Variants in CDH8 observed in about 807,000 individuals in gnomAD.
The protein encoded by CDH8 is cadherin 8.
A neutral mutation model predicts 68.1 loss-of-function variants in CDH8; 17 were observed. The observed-to-expected ratio is 0.25, with a 90% confidence interval of 0.17 to 0.37. The LOEUF (loss-of-function observed/expected upper bound fraction) is 0.37. CDH8 is among the 10% of genes least tolerant of loss of function. CDH8 has a pLI of 1.00. For missense variants in CDH8, 763 were observed against 999.3 expected, an observed-to-expected ratio of 0.76 and a Z score of 3.19; for synonymous variants, 372 against 365.1, an observed-to-expected ratio of 1.02 and a Z score of -0.21.
At chr16:61,907,868 C>A (rs1964089194) in intron 2 of CDH8, among the ~76,000 whole-genome samples, 1 of 151,722 alleles carries the variant, frequency 6.6e-6, no homozygotes, top group Non-Finnish European at 1.5e-5. Flanking sequence ...CACGGTGAAA[C>A]CCTGTCTCTA....
intron 8 of CDH8, among the ~76,000 whole-genome samples, chr16:61,762,890 G>A (rs1960504557): frequency 1.3e-5 from 2 of 152,116 alleles, no homozygotes; most frequent in South Asian, 4.1e-4. Flanking sequence ...GTTTTAACAA[G>A]ATCACCAGGT....
chr16:61,761,581 A>C (rs552115674), intron 8 of CDH8, among the ~76,000 whole-genome samples: 1 of 152,194 alleles, frequency 6.6e-6, no homozygotes, highest in Non-Finnish European at 1.5e-5. Context: ...GCTTCAAAAA[A>C]TACAAAAGTA....
intron 8 of CDH8, among the ~76,000 whole-genome samples, chr16:61,788,854 A>G (rs1294715715): frequency 6.6e-6 from 1 of 151,988 alleles, no homozygotes; most frequent in Non-Finnish European, 1.5e-5. Flanking sequence ...TTAGACTCTA[A>G]AAAAAACAAA....
chr16:61,914,305 T>A (rs913730279), intron 2 of CDH8, among the ~76,000 whole-genome samples: 1 of 152,202 alleles, frequency 6.6e-6, no homozygotes, highest in Non-Finnish European at 1.5e-5. Flanking sequence ...TCCTAAAGCA[T>A]ACTAATTATC....
intron 10 of CDH8, among the ~76,000 whole-genome samples, chr16:61,658,784 TG>T (rs1165376729): frequency 6.6e-6 from 1 of 152,126 alleles, no homozygotes; most frequent in Non-Finnish European, 1.5e-5. Context: ...ATAAGAAACT[TG>T]GTAGAAGTTA....
intron 8 of CDH8, among the ~76,000 whole-genome samples, chr16:61,770,112 C>T (rs1002216665): frequency 6.6e-5 from 10 of 151,816 alleles, no homozygotes; most frequent in Non-Finnish European, 1.5e-4. Context: ...TCCTGAGTCT[C>T]GCATGACACA....
At chr16:61,966,372 T>C (rs760509976) in intron 2 of CDH8, among the ~76,000 whole-genome samples, 1 of 152,004 alleles carries the variant, frequency 6.6e-6, no homozygotes, top group Admixed American at 6.6e-5. Context: ...ACCCCATCTT[T>C]ACTAAAAATA....
rs1016403067 is a variant in CDH8 at position 61,653,096 on chromosome 16, C to T, written c.*512G>A. 4.0e-6 allele frequency: 5 copies of T among 1,257,092 alleles called. No individual in the cohort carries two copies. Among genetic ancestry groups the T allele is most frequent in the African/African-American group, 1.5e-5 (1 of 64,682 alleles). 77.9% of individuals were successfully genotyped at this position (1,257,092 alleles called of 1,614,324 possible). On this transcript the variant is annotated 3_prime_UTR_variant, in exon 12 of 12. Transcript: ENST00000577390. ...CCGTACTGTATAATCTAGGAGGCCT[C>T]TCAAAACTCCAAAAAGTTATAATGT... is the stretch of plus-strand genomic sequence containing the variant.
At chr16:61,804,389 T>G (rs1174928964) in intron 7 of CDH8, among the ~76,000 whole-genome samples, 1 of 151,882 alleles carries the variant, frequency 6.6e-6, no homozygotes, top group Non-Finnish European at 1.5e-5. Flanking sequence ...ATTCACACCC[T>G]AACATCACAA....
At chr16:61,971,160 C>T (rs1166756699) in intron 2 of CDH8, among the ~76,000 whole-genome samples, 1 of 152,128 alleles carries the variant, frequency 6.6e-6, no homozygotes, top group East Asian at 1.9e-4. Flanking sequence ...GATAATAATC[C>T]ACCACCCTTT....
intron 5 of CDH8, among the ~76,000 whole-genome samples, chr16:61,821,983 C>T (rs550975409): frequency 8.6e-5 from 13 of 151,948 alleles, no homozygotes; most frequent in Non-Finnish European, 1.6e-4. Context: ...ACCTATTTTG[C>T]CCACTGAGTG....
At position 61,648,198 on chromosome 16, in the gene CDH8, C is replaced by T. The variant is rs1017894713; in HGVS notation, c.*5410G>A. The T allele has an allele frequency of 4.3e-4, 82 of 190,956 alleles. No homozygotes were observed. The highest frequency in any genetic ancestry group is 1.7e-3 in the African/African-American group (70 of 42,390). 11.8% of individuals were successfully genotyped at this position (190,956 alleles called of 1,614,324 possible). A position where few individuals can be genotyped will look rare whatever the true frequency, so the allele number is the denominator to read the frequency against. ...ATGTGTAATTTAACCCTGAAAATTCCTTATAACGTTTCTGAACTTCATTTT... is the reference window on the plus strand; with the variant it reads ...ATGTGTAATTTAACCCTGAAAATTCTTTATAACGTTTCTGAACTTCATTTT... On this transcript the variant is annotated 3_prime_UTR_variant, in exon 12 of 12. Coordinates refer to ENST00000577390, the MANE Select transcript of CDH8 (RefSeq NM_001796.5).
At chr16:61,709,272 C>T (rs1001519130) in intron 10 of CDH8, among the ~76,000 whole-genome samples, 1 of 152,030 alleles carries the variant, frequency 6.6e-6, no homozygotes, top group Non-Finnish European at 1.5e-5. Context: ...CTATGTATAT[C>T]AGCATATAGG....
At chr16:61,847,273 G>A (rs1962826983) in intron 4 of CDH8, among the ~76,000 whole-genome samples, 1 of 151,772 alleles carries the variant, frequency 6.6e-6, no homozygotes, top group African/African-American at 2.4e-5. Flanking sequence ...CTGTCCATAT[G>A]GCACAAACTC....
At chr16:61,813,232 C>A (rs1006827960) in intron 7 of CDH8, among the ~76,000 whole-genome samples, 8 of 152,122 alleles carry the variant, frequency 5.3e-5, no homozygotes, top group Middle Eastern at 3.4e-3. Context: ...ACTCAGTCAT[C>A]CTAAAGCTTA....
At chr16:61,746,266 T>A (rs113446751) in intron 8 of CDH8, among the ~76,000 whole-genome samples, 1 of 152,074 alleles carries the variant, frequency 6.6e-6, no homozygotes, top group African/African-American at 2.4e-5. Context: ...CCCTGAAATC[T>A]AACTTTTGTC....
Position 61,960,131 on chromosome 16 carries a change from A to G in CDH8, c.253-58658T>C, listed in dbSNP as rs562064189. Among the ~76,000 whole-genome samples the G allele has an allele frequency of 1.5e-4, 15 of 102,102 alleles. 3 individuals carry two copies. Among genetic ancestry groups the G allele is most frequent in the Non-Finnish European group, 2.0e-4 (11 of 54,054 alleles). 67.0% of individuals were successfully genotyped at this position (102,102 alleles called of 152,430 possible). On this transcript the variant is annotated intron_variant, in intron 2 of 11. Transcript: ENST00000577390. Reference sequence around the variant, plus strand: ...TACATATATACATATGTGTGTGTGTATACACATACATATATACATATGTGT... The same window carrying G: ...TACATATATACATATGTGTGTGTGTGTACACATACATATATACATATGTGT...
chr16:61,656,531 T>C (rs1057455560), intron 10 of CDH8, among the ~76,000 whole-genome samples: 1 of 152,174 alleles, frequency 6.6e-6, no homozygotes, highest in Admixed American at 6.5e-5. Flanking sequence ...AAGAAGGTCA[T>C]TCATGGCCTA....
At chr16:61,895,672 A>C (rs1179895142) in intron 3 of CDH8, among the ~76,000 whole-genome samples, 1 of 152,208 alleles carries the variant, frequency 6.6e-6, no homozygotes, top group Non-Finnish European at 1.5e-5. Context: ...GCTTTTGAGT[A>C]AAATAGGATT....
Sources: allele counts gnomAD v4.1 joint callset (sites outside exome capture counted in the v4.1 genomes callset), GRCh38; gene constraint gnomAD v4.1.1; transcripts MANE v1.5; gene names NCBI Gene and HGNC (gene_info 2026-07-23, HGNC 2026-07-21).